PTPN11: variants seen among roughly 807,000 people sequenced by gnomAD.
PTPN11 encodes the protein tyrosine-protein phosphatase non-receptor type 11.
In PTPN11, 6 loss-of-function variants were observed where a neutral mutation model predicts 78.8. That is an observed-to-expected ratio of 0.08 (90% CI 0.04 to 0.15). The LOEUF is 0.15. PTPN11 is among the 10% of genes least tolerant of loss of function. The pLI is 1.00. For synonymous variants in PTPN11, 221 were observed against 263.5 expected, an observed-to-expected ratio of 0.84 and a Z score of 1.56; for missense variants, 386 against 744.8, an observed-to-expected ratio of 0.52 and a Z score of 5.61.
chr12:112,422,124 A>T (rs1294903178), intron 1 of PTPN11, among the ~76,000 whole-genome samples: 1 of 152,182 alleles, frequency 6.6e-6, no homozygotes, highest in Non-Finnish European at 1.5e-5. Context: ...AGGATGGGAG[A>T]ATGCAGTTAG....
intron 1 of PTPN11, among the ~76,000 whole-genome samples, chr12:112,428,200 T>C (rs1432493055): frequency 2.0e-5 from 3 of 152,226 alleles, no homozygotes; most frequent in Non-Finnish European, 4.4e-5. Flanking sequence ...TAATTAACTG[T>C]AATCATTCTG....
intron 7 of PTPN11, among the ~76,000 whole-genome samples, chr12:112,475,540 C>T (rs766120347): frequency 6.6e-6 from 1 of 152,082 alleles, no homozygotes; most frequent in Non-Finnish European, 1.5e-5. Flanking sequence ...CAGGCATGAG[C>T]GACTGCACCT....
chr12:112,477,533 T>C lies in PTPN11; in HGVS notation c.854-118T>C. The stretch of plus-strand genomic sequence containing the variant: ...TTACCTGGGCTTTAATTTTTATGTG[T>C]TTTTTTTTCAATCATTGAATGAACA... On this transcript the variant is annotated intron_variant, in intron 7 of 15. Transcript: ENST00000351677. 8.8e-6 allele frequency: 7 copies of C among 791,624 alleles called. No homozygotes were observed. The South Asian group carries it at 1.1e-4, about 13-fold the overall frequency. 49.0% of individuals were successfully genotyped at this position (791,624 alleles called of 1,614,324 possible).
intron 1 of PTPN11, among the ~76,000 whole-genome samples, chr12:112,442,936 A>G (rs2037931884): frequency 7.0e-6 from 1 of 142,328 alleles, no homozygotes; most frequent in Non-Finnish European, 1.5e-5. Context: ...TATATAAAAT[A>G]CATATCTACA....
At chr12:112,503,787 A>G (rs771051314) in intron 14 of PTPN11, among the ~76,000 whole-genome samples, 27 of 151,934 alleles carry the variant, frequency 1.8e-4, no homozygotes, top group Non-Finnish European at 3.7e-4. Flanking sequence ...TAGGGTTCAG[A>G]TCCAGGATAC....
intron 10 of PTPN11, among the ~76,000 whole-genome samples, chr12:112,483,187 CTTTTTTT>C (rs576813489): frequency 7.6e-6 from 1 of 130,794 alleles, no homozygotes; most frequent in East Asian, 2.2e-4. Context: ...GGGGAAGGGA[CTTTTTTT>C]TTTTTTTTTT....
At chr12:112,420,414 C>A (rs948130515) in intron 1 of PTPN11, among the ~76,000 whole-genome samples, 1 of 151,664 alleles carries the variant, frequency 6.6e-6, no homozygotes, top group African/African-American at 2.4e-5. Flanking sequence ...GGCGCAATCT[C>A]GGCTCACCAC....
chr12:112,478,047 T>C (rs748360678), intron 9 of PTPN11, 32 bp downstream of exon 9: 2 of 1,612,156 alleles, frequency 1.2e-6, no homozygotes, highest in East Asian at 4.5e-5. Context: ...TCTGCTAAAC[T>C]GTTTTTAAAG....
At position 112,465,169 on chromosome 12, in the gene PTPN11, C is replaced by T. The variant is rs531602383; in HGVS notation, c.757-7775C>T. ...TGCTTGGGCCGGGCGTGGTGGCTCA[C>T]ACCTGTAATCCCAGCAATTTGGGAG... is the stretch of plus-strand genomic sequence containing the variant. On this transcript the variant is annotated intron_variant, in intron 6 of 15. Coordinates refer to ENST00000351677, the MANE Select transcript of PTPN11 (RefSeq NM_002834.5). 2.8e-3 allele frequency among the ~76,000 whole-genome samples: 426 copies of T among 152,238 alleles called. 5 individuals carry two copies. The highest frequency in any genetic ancestry group is 9.5e-3 in the African/African-American group (395 of 41,548).
rs1265056204 is a variant in PTPN11, at chr12:112,508,094, T to C, written c.*2302T>C. On this transcript the variant is annotated 3_prime_UTR_variant, in exon 16 of 16. Transcript: ENST00000351677. Reference sequence around the variant, plus strand: ...TCACCAGCACACAAGAGTTTGATTGTACAAATATATCTTCTGCATTAACAT... The same window carrying C: ...TCACCAGCACACAAGAGTTTGATTGCACAAATATATCTTCTGCATTAACAT... The C allele has an allele frequency of 6.5e-6, 1 of 152,696 alleles. No individual in the cohort carries two copies. The highest frequency in any genetic ancestry group is 1.5e-5 in the Non-Finnish European group (1 of 68,046). 9.5% of individuals were successfully genotyped at this position (152,696 alleles called of 1,614,324 possible). A position where few individuals can be genotyped will look rare whatever the true frequency, so the allele number is the denominator to read the frequency against.
chr12:112,489,275 GT>G, intron 13 of PTPN11, 100 bp downstream of exon 13: 1 of 1,407,036 alleles, frequency 7.1e-7, no homozygotes, highest in East Asian at 2.3e-5. Flanking sequence ...ATAGACAACT[GT>G]TTGATTTCGG....
chr12:112,499,685 C>T (rs1029638447), intron 13 of PTPN11, among the ~76,000 whole-genome samples: 3 of 152,074 alleles, frequency 2.0e-5, no homozygotes, highest in Non-Finnish European at 4.4e-5. Flanking sequence ...CATGGTGGCT[C>T]ATGCCTGTAA....
chr12:112,489,676 C>G (rs1182870161), intron 13 of PTPN11, among the ~76,000 whole-genome samples: 1 of 152,194 alleles, frequency 6.6e-6, no homozygotes, highest in Non-Finnish European at 1.5e-5. Context: ...GCCTTTCCAT[C>G]TGAAGCTATT....
Position 112,502,257 on chromosome 12 carries a change from G to T in PTPN11, c.1712+1G>T. 6.2e-7 allele frequency: 1 copy of T among 1,609,796 alleles called. No homozygotes were observed. Among genetic ancestry groups the T allele is most frequent in the Non-Finnish European group, 8.5e-7 (1 of 1,176,128 alleles). On this transcript the variant is annotated splice_donor_variant, in intron 14 of 15. Transcript: ENST00000351677. LOFTEE classifies it high-confidence loss of function. ...GTACTCCAACGCCACCCTGTGCAGA[G>T]TAAGTAGTGCTGAAGGAAATTCTTT...
intron 6 of PTPN11, among the ~76,000 whole-genome samples, chr12:112,465,994 A>T (rs1432653599): frequency 6.6e-6 from 1 of 152,196 alleles, no homozygotes; most frequent in African/African-American, 2.4e-5. Context: ...ATACTGATTG[A>T]ACACCGACTG....
At chr12:112,449,216 A>G (rs1437937854) in intron 2 of PTPN11, among the ~76,000 whole-genome samples, 1 of 146,278 alleles carries the variant, frequency 6.8e-6, no homozygotes, top group Non-Finnish European at 1.5e-5. Context: ...TAATTGCTGC[A>G]TAGTGGCCGG....
intron 1 of PTPN11, 73 bp downstream of exon 1, chr12:112,419,198 G>T: frequency 7.4e-7 from 1 of 1,351,080 alleles, no homozygotes; most frequent in Non-Finnish European, 9.5e-7. Flanking sequence ...CCGTCCGGAA[G>T]GGGGCGCCCC....
Position 112,453,319 on chromosome 12 carries a change from A to G in PTPN11, c.457A>G (p.Thr153Ala), listed in dbSNP as rs1380290210. The G allele has an allele frequency of 1.9e-6, 3 of 1,614,100 alleles. No individual in the cohort carries two copies. Among genetic ancestry groups the G allele is most frequent in the East Asian group, 2.2e-5 (1 of 44,876 alleles). The part of the protein sequence containing the change: ...HPGDFVLSVR[T>A]GDDKGESNDG... ...TGGAGATTTTGTTCTTTCTGTGCGCACTGGTGATGACAAAGGGGAGAGCAA... is the reference window on the plus strand; with the variant it reads ...TGGAGATTTTGTTCTTTCTGTGCGCGCTGGTGATGACAAAGGGGAGAGCAA... Residue 153 changes from threonine (T) to alanine (A), a missense_variant, in exon 4 of 16, where the codon ACT (threonine) becomes GCT (alanine). Coordinates refer to ENST00000351677, the MANE Select transcript of PTPN11 (RefSeq NM_002834.5).
In PTPN11 at chr12:112,507,993, G is replaced by A. The variant is rs982070497; in HGVS notation, c.*2201G>A. 3 of 152,580 alleles carry A rather than the reference G, an allele frequency of 2.0e-5. No homozygotes were observed. Among genetic ancestry groups the A allele is most frequent in the Non-Finnish European group, 2.9e-5 (2 of 68,036 alleles). 9.5% of individuals were successfully genotyped at this position (152,580 alleles called of 1,614,324 possible). ...AAGCTTGAATGCTGTTCTTTTTATC[G>A]CATTGTTACATCGACTCATTCTCCA... On this transcript the variant is annotated 3_prime_UTR_variant, in exon 16 of 16. Coordinates refer to ENST00000351677, the MANE Select transcript of PTPN11 (RefSeq NM_002834.5).
Sources: gnomAD v4.1 joint callset for allele counts (sites outside exome capture counted in the v4.1 genomes callset) on GRCh38, gnomAD v4.1.1 for gene constraint, MANE v1.5 for transcripts, NCBI Gene and HGNC (gene_info 2026-07-23, HGNC 2026-07-21) for gene names.